The following IKBKE variants were observed in gnomAD, a reference collection of about 807,000 sequenced individuals.
The protein encoded by IKBKE is inhibitor of nuclear factor kappa-B kinase subunit epsilon.
IKBKE carries 45 observed loss-of-function variants against 92.1 expected under a neutral mutation model. The ratio of observed to expected loss-of-function variants is 0.49; its 90% CI spans 0.38 to 0.63. IKBKE has a LOEUF of 0.63. IKBKE is among the 20% of genes least tolerant of loss of function. The probability of loss-of-function intolerance (pLI) is 0.00; values close to 1 mark genes in which losing one functional copy is unlikely to be tolerated. For synonymous variants in IKBKE, 374 were observed against 380.3 expected, an observed-to-expected ratio of 0.98 and a Z score of 0.19; for missense variants, 700 against 932.8, an observed-to-expected ratio of 0.75 and a Z score of 3.25.
Position 206,493,962 on chromosome 1 carries a change from C to T in IKBKE, c.2088C>T (p.Asp696=), listed in dbSNP as rs1553391438. The T allele has an allele frequency of 5.0e-6, 8 of 1,614,132 alleles. No homozygotes were observed. In the South Asian group the frequency reaches 6.6e-5, roughly 13 times the overall value. ...LCEGMKLLAS[D]LLDNNRIIER... ...AGGGGATGAAGCTGCTGGCATCTGA[C>T]CTCCTGGACAACAACCGCATCATCG... Residue 696 remains aspartate, a synonymous_variant, in exon 21 of 22, where the codon GAC becomes GAT. Coordinates refer to ENST00000581977, the MANE Select transcript of IKBKE (RefSeq NM_014002.4).
chr1:206,472,953 A>T, intron 2 of IKBKE: 1 of 450,778 alleles, frequency 2.2e-6, no homozygotes, highest in South Asian at 2.6e-5. Context: ...GACAGGCAGC[A>T]GGTGGAACAG....
At chr1:206,482,075 G>A (rs41298999) in intron 13 of IKBKE, among the ~76,000 whole-genome samples, 4,450 of 152,128 alleles carry the variant, frequency 0.029, 217 homozygotes, top group African/African-American at 0.099. Flanking sequence ...CACCGCGCCC[G>A]GCCTAGGATG....
rs1326692798 is a variant in IKBKE, at chr1:206,485,724, C to T, written c.1616+418C>T. On this transcript the variant is annotated intron_variant, in intron 15 of 21. Transcript: ENST00000581977. The surrounding 1 kb of genome is among the most constrained non-coding windows in gnomAD (Gnocchi z 5.0). ...AACCTCAGTCAGTGAGGTTAACTTA[C>T]CCTGAGTCACAGCCAGTAAATGACA... 6.6e-6 allele frequency among the ~76,000 whole-genome samples: 1 copy of T among 152,228 alleles called. No homozygotes were observed. The highest frequency in any genetic ancestry group is 2.4e-5 in the African/African-American group (1 of 41,440).
Position 206,476,366 on chromosome 1 carries a change from G to A in IKBKE, c.540+4G>A. 1 of 1,602,792 alleles carries A rather than the reference G, an allele frequency of 6.2e-7. No individual in the cohort carries two copies. Among genetic ancestry groups the A allele is most frequent in the Non-Finnish European group, 8.5e-7 (1 of 1,172,442 alleles). ...CTATGGGACTGAGGAGTACCTGGTG[G>A]GTGAGCTGCTCGAGACCCGCTGCCC... is the stretch of plus-strand genomic sequence containing the variant. On this transcript the variant is annotated splice_donor_region_variant and intron_variant, in intron 6 of 21. Coordinates refer to ENST00000581977, the MANE Select transcript of IKBKE (RefSeq NM_014002.4). The surrounding 1 kb of genome is among the most constrained non-coding windows in gnomAD (Gnocchi z 5.1).
In IKBKE at chr1:206,476,854, G is replaced by A. The variant is rs781831640; in HGVS notation, c.701+16G>A. The A allele has an allele frequency of 1.9e-6, 3 of 1,613,804 alleles. No homozygotes were observed. The highest frequency in any genetic ancestry group is 3.3e-5 in the Admixed American group (2 of 60,004). ...AGGAGATCATGTACGGTGGGCCACA[G>A]GGCAGGGAATGGGGCGGACTGGCAG... On this transcript the variant is annotated intron_variant, in intron 7 of 21. Coordinates refer to ENST00000581977, the MANE Select transcript of IKBKE (RefSeq NM_014002.4). The surrounding 1 kb of genome is among the most constrained non-coding windows in gnomAD (Gnocchi z 5.1).
chr1:206,493,980 C>T lies in IKBKE; in HGVS notation c.2106C>T (p.Arg702=). ...LLASDLLDNN[R]IIERLNRVPA... ...CATCTGACCTCCTGGACAACAACCG[C>T]ATCATCGAACGGTAAGGAGCTTTCA... The change falls in exon 21 of 22, where the codon CGC becomes CGT. Residue 702 remains arginine, a synonymous_variant. Coordinates refer to ENST00000581977, the MANE Select transcript of IKBKE (RefSeq NM_014002.4). 1 of 1,613,912 alleles carries T rather than the reference C, an allele frequency of 6.2e-7. No homozygotes were observed. Among genetic ancestry groups the T allele is most frequent in the South Asian group, 1.1e-5 (1 of 91,086 alleles).
intron 5 of IKBKE, among the ~76,000 whole-genome samples, chr1:206,475,539 A>T (rs568158955): frequency 1.3e-5 from 2 of 152,302 alleles, no homozygotes; most frequent in Admixed American, 1.3e-4. Context: ...GTTTGAGACC[A>T]GTCTGGCGAA....
Position 206,476,380 on chromosome 1 carries a change from G to C in IKBKE, c.540+18G>C. The C allele has an allele frequency of 6.3e-7, 1 of 1,591,428 alleles. No individual in the cohort carries two copies. ...AGTACCTGGTGGGTGAGCTGCTCGA[G>C]ACCCGCTGCCCTATGCTGAGGGCTC... On this transcript the variant is annotated intron_variant, in intron 6 of 21. Coordinates refer to ENST00000581977, the MANE Select transcript of IKBKE (RefSeq NM_014002.4). The surrounding 1 kb of genome is among the most constrained non-coding windows in gnomAD (Gnocchi z 5.1).
chr1:206,472,654 C>T (rs1553384108), intron 2 of IKBKE, among the ~76,000 whole-genome samples: 2 of 149,746 alleles, frequency 1.3e-5, no homozygotes, highest in Non-Finnish European at 3.0e-5. Flanking sequence ...ACTGGCCCGG[C>T]TGTCAGCTCA....
rs541558948 is a variant in IKBKE, at chr1:206,493,099, G to T, written c.1912G>T (p.Val638Phe). ...VAACNTEAQG[V>F]QESLSKLLEE... is the part of the protein sequence containing the mutation. ...TGCCTGTAACACAGAAGCCCAGGGG[G>T]TCCAGGAGAGTCTCAGCAAGGTGGG... Residue 638 changes from valine to phenylalanine, a missense_variant, in exon 19 of 22, where the codon GTC becomes TTC. Val to Phe is a conservative substitution (Grantham distance 50). Transcript: ENST00000581977. 1.3e-6 allele frequency: 2 copies of T among 1,590,828 alleles called. No individual in the cohort carries two copies. Among genetic ancestry groups the T allele is most frequent in the South Asian group, 2.3e-5 (2 of 88,292 alleles).
chr1:206,473,532 A>C (rs1664891158), intron 3 of IKBKE, among the ~76,000 whole-genome samples: 1 of 152,258 alleles, frequency 6.6e-6, no homozygotes, highest in South Asian at 2.1e-4. Flanking sequence ...TTGGAGCAAG[A>C]GAACTGTGAA....
At position 206,476,128 on chromosome 1, in the gene IKBKE, C is replaced by A; in HGVS notation, c.359-53C>A. The A allele has an allele frequency of 6.4e-7, 1 of 1,571,684 alleles. No individual in the cohort carries two copies. The highest frequency in any genetic ancestry group is 8.7e-7 in the Non-Finnish European group (1 of 1,146,002). On this transcript the variant is annotated intron_variant, in intron 5 of 21. Transcript: ENST00000581977. This position sits in a 1 kb window ranked among gnomAD's most constrained non-coding sequence, Gnocchi z 5.1. ...CCTTCCCACCAAGATGAGCCTCAGACACTAGACTGTCCCCGACCAGAGCCA... is the reference window on the plus strand; with the variant it reads ...CCTTCCCACCAAGATGAGCCTCAGAAACTAGACTGTCCCCGACCAGAGCCA...
In IKBKE at chr1:206,475,024, C is replaced by G. The variant is rs577006084; in HGVS notation, c.358+30C>G. ...GCCCCTCCCTGTCCCTGCCTCCACC[C>G]TCAGACCAGCGGCAGGCCTGGGACA... On this transcript the variant is annotated intron_variant, in intron 5 of 21. Coordinates refer to ENST00000581977, the MANE Select transcript of IKBKE (RefSeq NM_014002.4). 209 of 1,612,092 alleles carry G rather than the reference C, an allele frequency of 1.3e-4. 2 individuals are homozygous for G. In the South Asian group the frequency reaches 2.2e-3, roughly 17 times the overall value.
intron 3 of IKBKE, 40 bp downstream of exon 3, chr1:206,473,354 T>C: frequency 6.7e-7 from 1 of 1,484,284 alleles, no homozygotes; most frequent in Non-Finnish European, 9.2e-7. Context: ...CAGCCCAGCC[T>C]TGGCCCCCTC....
chr1:206,471,734 C>T (rs1572231221), intron 2 of IKBKE, among the ~76,000 whole-genome samples: 1 of 152,218 alleles, frequency 6.6e-6, no homozygotes, highest in Non-Finnish European at 1.5e-5. Flanking sequence ...AATGTCCGCT[C>T]CTACCTGATC....
intron 17 of IKBKE, 70 bp from the exon 18 acceptor site, chr1:206,491,578 C>T: frequency 9.2e-7 from 1 of 1,092,858 alleles, no homozygotes; most frequent in Non-Finnish European, 1.4e-6. Flanking sequence ...CTGACGGAGA[C>T]TGAGGGATGG....
intron 19 of IKBKE, 71 bp downstream of exon 19, chr1:206,493,190 C>T: frequency 6.4e-7 from 1 of 1,555,490 alleles, no homozygotes; most frequent in South Asian, 1.1e-5. Flanking sequence ...ATGTCTTCCC[C>T]TCCTCCAGCA....
rs1269652982 is a variant in IKBKE, at chr1:206,478,182, C to A, written c.835C>A (p.Pro279Thr). The change falls in exon 9 of 22, where the codon CCC becomes ACC. Residue 279 changes from proline to threonine, a missense_variant. By Grantham distance (38) the Pro-to-Thr change is conservative. Coordinates refer to ENST00000581977, the MANE Select transcript of IKBKE (RefSeq NM_014002.4). The surrounding 1 kb of genome is among the most constrained non-coding windows in gnomAD (Gnocchi z 4.8). ...LSLGLQSQLV[P>T]ILANILEVEQ... is the part of the protein sequence containing the mutation. The stretch of plus-strand genomic sequence containing the variant: ...CAGGGGGCTGCAGAGCCAGCTGGTG[C>A]CCATCCTGGCCAACATCCTGGAGGT... The A allele has an allele frequency of 6.2e-7, 1 of 1,613,784 alleles. No homozygotes were observed. Among genetic ancestry groups the A allele is most frequent in the Non-Finnish European group, 8.5e-7 (1 of 1,180,034 alleles).
intron 16 of IKBKE, among the ~76,000 whole-genome samples, chr1:206,489,267 C>CAT (rs1309367056): frequency 2.7e-5 from 4 of 145,858 alleles, no homozygotes; most frequent in Non-Finnish European, 6.0e-5. Context: ...ATATATTATT[C>CAT]ATATATATAT....
Sources: gnomAD v4.1 joint callset for allele counts (sites outside exome capture counted in the v4.1 genomes callset) on GRCh38, gnomAD v4.1.1 for gene constraint, Gnocchi (gnomAD v3.1) non-coding constraint, MANE v1.5 for transcripts, NCBI Gene and HGNC (gene_info 2026-07-23, HGNC 2026-07-21) for gene names.